Variants in MAD2L2 observed in about 807,000 individuals in gnomAD.
The protein encoded by MAD2L2 is mitotic spindle assembly checkpoint protein MAD2B.
Under a neutral mutation model 30.5 loss-of-function variants are expected in MAD2L2, and 17 were observed. That is an observed-to-expected ratio of 0.56 (90% CI 0.38 to 0.84). MAD2L2 has a LOEUF of 0.84. Among genes scored for constraint, MAD2L2 ranks in the 40% least tolerant of loss-of-function variants. MAD2L2 has a pLI of 0.00. For synonymous variants in MAD2L2, 101 were observed against 113.9 expected (o/e 0.89, Z 0.72); for missense variants, 213 against 277.4 (o/e 0.77, Z 1.65).
intron 3 of MAD2L2, among the ~76,000 whole-genome samples, chr1:11,678,981 C>T (rs28988269): frequency 0.022 from 3,325 of 152,124 alleles, 31 homozygotes; most frequent in Middle Eastern, 0.034. Context: ...CTGGCCAACA[C>T]GGCGAAACCT....
At chr1:11,681,631 A>G (rs1640882212), upstream of MAD2L2, 1 of 152,206 alleles carries the variant, frequency 6.6e-6, no homozygotes, top group African/African-American at 2.4e-5. Context: ...GAGGGCGTGC[A>G]CCGGCGTCGC....
intron 1 of MAD2L2, 98 bp from the exon 2 acceptor site, chr1:11,680,711 AC>A (rs1305683304): frequency 3.4e-6 from 5 of 1,472,302 alleles, no homozygotes; most frequent in African/African-American, 1.4e-5. Context: ...GTCTGTGGGA[AC>A]TGGGGAAGGA....
At chr1:11,681,253 G>C (rs894327807), upstream of MAD2L2, 1 of 152,190 alleles carries the variant, frequency 6.6e-6, no homozygotes, top group African/African-American at 2.4e-5. Context: ...CCGCATGCGG[G>C]GGCGGGTCTC....
Position 11,680,483 on chromosome 1 carries a change from C to G in MAD2L2, c.41-12G>C, listed in dbSNP as rs750057718. The G allele has an allele frequency of 6.2e-7, 1 of 1,612,094 alleles. No homozygotes were observed. Among genetic ancestry groups the G allele is most frequent in the South Asian group, 1.1e-5 (1 of 91,010 alleles). The stretch of plus-strand genomic sequence containing the variant: ...CACATCGGCCACCACTGCAGGGGGG[C>G]ACAAGCCGGTGGCGCGCTCGAGGAA... On this transcript the variant is annotated splice_polypyrimidine_tract_variant and intron_variant, in intron 2 of 8. Transcript: ENST00000376692.
In MAD2L2 at chr1:11,675,996, G is replaced by A. The variant is rs758780314; in HGVS notation, c.427+50C>T. On this transcript the variant is annotated intron_variant, in intron 6 of 8. Transcript: ENST00000376692. ...TGGACCTGGGAACACAGACCAACCCGAGATAACCATGGAAATGCCAAGGGA... is the reference window on the plus strand; with the variant it reads ...TGGACCTGGGAACACAGACCAACCCAAGATAACCATGGAAATGCCAAGGGA... 27 of 1,500,912 alleles carry A rather than the reference G, an allele frequency of 1.8e-5. No individual in the cohort carries two copies. In the South Asian group the frequency reaches 1.8e-4, roughly 10 times the overall value. The allele number at this position is 1,500,912 out of a possible 1,614,324, so 93.0% of individuals were successfully genotyped here. A position where few individuals can be genotyped will look rare whatever the true frequency, so the allele number is the denominator to read the frequency against.
intron 6 of MAD2L2, 34 bp downstream of exon 6, chr1:11,676,012 T>C (rs1570284744): frequency 6.4e-7 from 1 of 1,569,274 alleles, no homozygotes; most frequent in Non-Finnish European, 8.8e-7. Context: ...ACCATGGAAA[T>C]GCCAAGGGAA....
intron 4 of MAD2L2, chr1:11,677,224 C>A: frequency 1.7e-6 from 1 of 600,250 alleles, no homozygotes; most frequent in Non-Finnish European, 2.9e-6. Flanking sequence ...CTGAGGGGCT[C>A]AGCTCAGACA....
chr1:11,687,249 T>C lies in MAD2L2; in HGVS notation c.-692+4164A>G, dbSNP rs1640974242. 6.6e-6 allele frequency among the ~76,000 whole-genome samples: 1 copy of C among 152,066 alleles called. No homozygotes were observed. Among genetic ancestry groups the C allele is most frequent in the South Asian group, 2.1e-4 (1 of 4,824 alleles). ...CCCAGCTAATTTTTATTTCATTTATTTCTTTTTTGAGACGGAGTCTCTCTC... is the reference window on the plus strand; with the variant it reads ...CCCAGCTAATTTTTATTTCATTTATCTCTTTTTTGAGACGGAGTCTCTCTC... On this transcript the variant is annotated intron_variant, in intron 1 of 10. Coordinates refer to the MAD2L2 transcript ENST00000235310. This position sits in a 1 kb window ranked among gnomAD's most constrained non-coding sequence, Gnocchi z 4.1.
At position 11,676,134 on chromosome 1, in the gene MAD2L2, G is replaced by A; in HGVS notation, c.339C>T (p.Asp113=). The A allele has an allele frequency of 6.3e-7, 1 of 1,597,604 alleles. No individual in the cohort carries two copies. The highest frequency in any genetic ancestry group is 8.5e-7 in the Non-Finnish European group (1 of 1,169,738). ...TQPPLLSISS[D]SLLSHVEQLL... is the part of the protein sequence containing the mutation. ...GCTGCTCCACATGAGACAACAGCGAGTCTGAGCTGGGAGTGAGAGGAGGTC... is the reference window on the plus strand; with the variant it reads ...GCTGCTCCACATGAGACAACAGCGAATCTGAGCTGGGAGTGAGAGGAGGTC... Residue 113 remains aspartate (D), a synonymous_variant, in exon 6 of 9, where the codon GAC becomes GAT. Coordinates refer to ENST00000376692, the MANE Select transcript of MAD2L2 (RefSeq NM_006341.4).
Position 11,690,078 on chromosome 1 carries a change from G to A in MAD2L2, c.-692+1335C>T, listed in dbSNP as rs538999321. ...ATAACTTTATGTAAAACAACACCTCGTCCCTTCATGCTTTGTCTGTAATGT... is the reference window on the plus strand; with the variant it reads ...ATAACTTTATGTAAAACAACACCTCATCCCTTCATGCTTTGTCTGTAATGT... On this transcript the variant is annotated intron_variant, in intron 1 of 10. Transcript: ENST00000235310. This position sits in a 1 kb window ranked among gnomAD's most constrained non-coding sequence, Gnocchi z 4.2. Among the ~76,000 whole-genome samples the A allele has an allele frequency of 3.2e-4, 49 of 152,022 alleles. No individual in the cohort carries two copies. The highest frequency in any genetic ancestry group is 1.1e-3 in the African/African-American group (44 of 41,448).
upstream of MAD2L2, among the ~76,000 whole-genome samples, chr1:11,685,156 T>C (rs1188666986): frequency 2.0e-5 from 3 of 152,174 alleles, no homozygotes; most frequent in East Asian, 3.8e-4. Flanking sequence ...CTCGAACTCC[T>C]GGGCTCAAGT....
Position 11,674,899 on chromosome 1 carries a change from G to A in MAD2L2, c.595-83C>T, listed in dbSNP as rs1173503836. 2.0e-6 allele frequency: 3 copies of A among 1,515,182 alleles called. No individual in the cohort carries two copies. In the Admixed American group the frequency reaches 5.0e-5, roughly 25 times the overall value. 93.9% of individuals were successfully genotyped at this position (1,515,182 alleles called of 1,614,324 possible). On this transcript the variant is annotated intron_variant, in intron 8 of 8. Transcript: ENST00000376692. This position sits in a 1 kb window ranked among gnomAD's most constrained non-coding sequence, Gnocchi z 6.1. ...AGGACACAGAAGCCCCTGGTGGGCA[G>A]ACCTCCACCACAGGTGGGGCCTCGT...
At chr1:11,676,827 C>T (rs745306843) in intron 5 of MAD2L2, 21 bp downstream of exon 5, 5 of 1,596,888 alleles carry the variant, frequency 3.1e-6, no homozygotes, top group South Asian at 1.1e-5. Flanking sequence ...AGCTAGTGGG[C>T]GAGGGGCAGG....
At chr1:11,686,233 G>C (rs1333438278) in intron 1 of MAD2L2, among the ~76,000 whole-genome samples, 1 of 152,160 alleles carries the variant, frequency 6.6e-6, no homozygotes, top group Non-Finnish European at 1.5e-5. Context: ...ACTTCCTGCT[G>C]ACAGCTCCTC....
chr1:11,676,095 G>A lies in MAD2L2; in HGVS notation c.378C>T (p.Phe126=). The change falls in exon 6 of 9, where the codon TTC becomes TTT. Residue 126 remains phenylalanine (F), a synonymous_variant. Coordinates refer to ENST00000376692, the MANE Select transcript of MAD2L2 (RefSeq NM_006341.4). ...CATCGCACACGCTGATCTTCAGGATGAAGGCCCGGAGCAGCTGCTCCACAT... is the reference window on the plus strand; with the variant it reads ...CATCGCACACGCTGATCTTCAGGATAAAGGCCCGGAGCAGCTGCTCCACAT... The part of the protein sequence containing the change: ...LSHVEQLLRA[F]ILKISVCDAV... 6.2e-7 allele frequency: 1 copy of A among 1,612,110 alleles called. No individual in the cohort carries two copies. The highest frequency in any genetic ancestry group is 1.7e-5 in the Admixed American group (1 of 59,966).
At chr1:11,677,043 G>A (rs1640782485) in intron 4 of MAD2L2, 95 bp from the exon 5 acceptor site, 6 of 951,352 alleles carry the variant, frequency 6.3e-6, no homozygotes, top group Non-Finnish European at 1.0e-5. Context: ...GAGGAGAAAC[G>A]GCCCACTCAC....
chr1:11,678,647 A>C (rs1214714887), intron 3 of MAD2L2, among the ~76,000 whole-genome samples: 3 of 152,230 alleles, frequency 2.0e-5, no homozygotes, highest in African/African-American at 7.2e-5. Context: ...CTGGGCTTCA[A>C]TCACTTCATC....
Position 11,688,567 on chromosome 1 carries a change from A to C in MAD2L2, c.-692+2846T>G, listed in dbSNP as rs1297908455. On this transcript the variant is annotated intron_variant, in intron 1 of 10. Coordinates refer to the MAD2L2 transcript ENST00000235310. This position sits in a 1 kb window ranked among gnomAD's most constrained non-coding sequence, Gnocchi z 4.6. ...CAGAGCAAGACTGCATCTCAAAAAA[A>C]AAAAAGAAAAAGCAATCAGCAAACC... is the stretch of plus-strand genomic sequence containing the variant. Among the ~76,000 whole-genome samples, 1 of 152,078 alleles carries C rather than the reference A, an allele frequency of 6.6e-6. No individual in the cohort carries two copies. The highest frequency in any genetic ancestry group is 1.5e-5 in the Non-Finnish European group (1 of 67,992).
upstream of MAD2L2, among the ~76,000 whole-genome samples, chr1:11,684,206 G>A (rs1318856431): frequency 6.6e-6 from 1 of 152,112 alleles, no homozygotes; most frequent in Non-Finnish European, 1.5e-5. Context: ...GTCAGCATGG[G>A]CCCATCCGGG....
Sources: gnomAD v4.1 joint callset for allele counts (sites outside exome capture counted in the v4.1 genomes callset) on GRCh38, gnomAD v4.1.1 for gene constraint, Gnocchi (gnomAD v3.1) non-coding constraint, MANE v1.5 for transcripts, NCBI Gene and HGNC (gene_info 2026-07-23, HGNC 2026-07-21) for gene names.